The following PDE4B variants were observed in gnomAD, a reference collection of about 807,000 sequenced individuals.
The protein encoded by PDE4B is phosphodiesterase 4B, also known as 3',5'-cyclic-AMP phosphodiesterase 4B.
A neutral mutation model predicts 82.2 loss-of-function variants in PDE4B; 20 were observed. That is an observed-to-expected ratio of 0.24 (90% CI 0.17 to 0.35). The LOEUF (loss-of-function observed/expected upper bound fraction) is 0.35, where lower values mean the gene tolerates loss of function less well. Ranked by LOEUF, PDE4B falls within the 10% of genes least tolerant of loss-of-function variation. PDE4B has a pLI of 1.00. For synonymous variants in PDE4B, 320 were observed against 318.9 expected, an observed-to-expected ratio of 1.00 and a Z score of -0.04; for missense variants, 655 against 907.2, an observed-to-expected ratio of 0.72 and a Z score of 3.57.
At chr1:65,894,275 A>G (rs906208159) in intron 1 of PDE4B, among the ~76,000 whole-genome samples, 3 of 152,168 alleles carry the variant, frequency 2.0e-5, no homozygotes, top group African/African-American at 4.8e-5. Context: ...CCAGCAAGTA[A>G]TTTTCTAAGT....
chr1:66,297,604 C>A (rs892774575), intron 7 of PDE4B, among the ~76,000 whole-genome samples: 2 of 152,084 alleles, frequency 1.3e-5, no homozygotes, highest in African/African-American at 4.8e-5. Flanking sequence ...CCAAAAAGTC[C>A]TTTTTATTAT....
intron 3 of PDE4B, among the ~76,000 whole-genome samples, chr1:66,120,636 A>G (rs1490007949): frequency 6.6e-6 from 1 of 152,212 alleles, no homozygotes; most frequent in Admixed American, 6.5e-5. Flanking sequence ...AATTTCTGAC[A>G]TAGCAGGCCA....
intron 3 of PDE4B, among the ~76,000 whole-genome samples, chr1:66,041,582 C>T (rs574223274): frequency 6.6e-6 from 1 of 152,012 alleles, no homozygotes; most frequent in East Asian, 1.9e-4. Context: ...TTGCCTCACT[C>T]TACTGAATTC....
intron 3 of PDE4B, among the ~76,000 whole-genome samples, chr1:66,165,744 A>G (rs1040184265): frequency 2.2e-4 from 34 of 152,186 alleles, no homozygotes; most frequent in Non-Finnish European, 1.5e-5. Flanking sequence ...ATTAAGGAAG[A>G]CCTAAATAAA....
intron 3 of PDE4B, among the ~76,000 whole-genome samples, chr1:66,131,638 T>TA (rs1553149837): frequency 9.1e-5 from 11 of 120,266 alleles, no homozygotes; most frequent in East Asian, 2.6e-4. Context: ...TATATATATA[T>TA]TACTAACCAG....
chr1:65,954,858 T>A (rs898552279), intron 3 of PDE4B, among the ~76,000 whole-genome samples: 5 of 152,254 alleles, frequency 3.3e-5, no homozygotes, highest in Admixed American at 3.3e-4. Context: ...TATTGTTGCA[T>A]CTCACATGTA....
chr1:66,159,900 T>C (rs944308483), intron 3 of PDE4B, among the ~76,000 whole-genome samples: 3 of 152,202 alleles, frequency 2.0e-5, no homozygotes, highest in Non-Finnish European at 2.9e-5. Flanking sequence ...ATCTTTAAGT[T>C]CCTGAATTAG....
intron 1 of PDE4B, among the ~76,000 whole-genome samples, chr1:65,842,913 A>G (rs1646224886): frequency 6.6e-6 from 1 of 152,190 alleles, no homozygotes; most frequent in South Asian, 2.1e-4. Flanking sequence ...AGGAGGATGA[A>G]TAGGAGCTCA....
At chr1:66,339,852 T>TG (rs759241383) in intron 8 of PDE4B, among the ~76,000 whole-genome samples, 664 of 11,304 alleles carry the variant, frequency 0.059, 6 homozygotes, top group African/African-American at 0.4. Context: ...TTTTTGTTGT[T>TG]TTTTTTTTTT....
chr1:66,230,902 G>A (rs7529316), intron 3 of PDE4B, among the ~76,000 whole-genome samples: 2 of 151,722 alleles, frequency 1.3e-5, no homozygotes, highest in South Asian at 2.1e-4. Flanking sequence ...AAAAATTAGC[G>A]GGGCACAGTG....
At chr1:65,903,381 T>C (rs538687401) in intron 1 of PDE4B, among the ~76,000 whole-genome samples, 8 of 151,678 alleles carry the variant, frequency 5.3e-5, no homozygotes, top group African/African-American at 1.9e-4. Flanking sequence ...CTGGGCAATA[T>C]GGCGAAACCC....
chr1:65,884,942 A>G (rs1332750748), intron 1 of PDE4B, among the ~76,000 whole-genome samples: 1 of 152,238 alleles, frequency 6.6e-6, no homozygotes, highest in Non-Finnish European at 1.5e-5. Flanking sequence ...AATGGGAGAA[A>G]AGTTTTGCAA....
chr1:66,337,554 AG>A (rs1341993271), intron 8 of PDE4B, among the ~76,000 whole-genome samples: 1 of 152,216 alleles, frequency 6.6e-6, no homozygotes, highest in Non-Finnish European at 1.5e-5. Context: ...GGCTGCTCAC[AG>A]GTCCCTGGAG....
At chr1:66,114,779 G>A (rs1645561012) in intron 3 of PDE4B, among the ~76,000 whole-genome samples, 1 of 151,932 alleles carries the variant, frequency 6.6e-6, no homozygotes, top group African/African-American at 2.4e-5. Context: ...GGGACTACAG[G>A]CACACATCAC....
intron 3 of PDE4B, chr1:66,152,455 A>C (rs1428238629): frequency 3.7e-6 from 1 of 268,558 alleles, no homozygotes; most frequent in Admixed American, 3.2e-5. Context: ...ACCACCACCT[A>C]TGCAAGGTCT....
chr1:66,148,661 T>G (rs536725436), intron 3 of PDE4B, among the ~76,000 whole-genome samples: 1 of 152,332 alleles, frequency 6.6e-6, no homozygotes, highest in African/African-American at 2.4e-5. Flanking sequence ...GCATTCACTC[T>G]CTACTACCAC....
intron 3 of PDE4B, among the ~76,000 whole-genome samples, chr1:65,946,030 C>T (rs752360059): frequency 4.6e-5 from 7 of 151,954 alleles, no homozygotes; most frequent in Admixed American, 2.6e-4. Flanking sequence ...TGTGGTACAA[C>T]AGCAATTCAT....
intron 16 of PDE4B, among the ~76,000 whole-genome samples, chr1:66,370,150 CAAAAAAAAAAAAAAAAAAA>C (rs752920376): frequency 3.5e-5 from 1 of 28,654 alleles, no homozygotes; most frequent in African/African-American, 9.0e-5. Context: ...GACTCTATCT[CAAAAAAAAAAAAAAAAAAA>C]AAAAAAAAAG....
At chr1:65,899,952 G>C (rs1386193824) in intron 1 of PDE4B, among the ~76,000 whole-genome samples, 10 of 151,808 alleles carry the variant, frequency 6.6e-5, no homozygotes, top group African/African-American at 2.4e-4. Flanking sequence ...ATTTATGGGT[G>C]CACCAAAATC....
Sources: gnomAD v4.1 joint callset for allele counts (sites outside exome capture counted in the v4.1 genomes callset) on GRCh38, gnomAD v4.1.1 for gene constraint, MANE v1.5 for transcripts, NCBI Gene and HGNC (gene_info 2026-07-23, HGNC 2026-07-21) for gene names.